The following HMGCLL1 variants were observed in gnomAD, a reference collection of about 807,000 sequenced individuals.
HMGCLL1 encodes the protein 3-hydroxymethyl-3-methylglutaryl-CoA lyase, cytoplasmic.
In HMGCLL1, 36 loss-of-function variants were observed where a neutral mutation model predicts 39.1. The observed-to-expected ratio is 0.92, with a 90% confidence interval of 0.71 to 1.22. The LOEUF (loss-of-function observed/expected upper bound fraction) is 1.22. HMGCLL1 is among the 50% of genes most tolerant of loss of function. HMGCLL1 has a pLI of 0.00. For missense variants in HMGCLL1, 451 were observed against 416.5 expected, an observed-to-expected ratio of 1.08 and a Z score of -0.72; for synonymous variants, 149 against 144.0, an observed-to-expected ratio of 1.03 and a Z score of -0.25.
chr6:55,635,246 A>T, the HMGCLL1 span, among the ~76,000 whole-genome samples: 2 of 152,150 alleles, frequency 1.3e-5, no homozygotes, highest in Non-Finnish European at 2.9e-5. Flanking sequence ...CTCTGTCCAT[A>T]TCTAATGGTA....
the HMGCLL1 span, among the ~76,000 whole-genome samples, chr6:55,667,515 A>C: frequency 6.6e-6 from 1 of 151,784 alleles, no homozygotes; most frequent in Non-Finnish European, 1.5e-5. Flanking sequence ...AGTGACAAGA[A>C]ACGGTACAAA....
the HMGCLL1 span, among the ~76,000 whole-genome samples, chr6:55,639,253 C>G: frequency 6.6e-6 from 1 of 151,810 alleles, no homozygotes; most frequent in Non-Finnish European, 1.5e-5. Context: ...ACTACCATTA[C>G]TGATAACATT....
At chr6:55,673,644 C>A in the HMGCLL1 span, among the ~76,000 whole-genome samples, 1 of 151,754 alleles carries the variant, frequency 6.6e-6, no homozygotes, top group South Asian at 2.1e-4. Flanking sequence ...TAATTTGCTG[C>A]AAATTAGATA....
intron 1 of HMGCLL1, among the ~76,000 whole-genome samples, chr6:55,562,362 T>C (rs1405669953): frequency 1.3e-5 from 2 of 152,148 alleles, no homozygotes; most frequent in Non-Finnish European, 2.9e-5. Flanking sequence ...AGTTGTATTT[T>C]AGAAGTACCA....
intron 7 of HMGCLL1, among the ~76,000 whole-genome samples, chr6:55,482,985 A>C (rs561822285): frequency 6.6e-6 from 1 of 152,298 alleles, no homozygotes; most frequent in Non-Finnish European, 1.5e-5. Flanking sequence ...CAAATCAGGA[A>C]GATAAACGAA....
At chr6:55,534,405 G>A (rs185951936) in intron 3 of HMGCLL1, among the ~76,000 whole-genome samples, 2 of 152,020 alleles carry the variant, frequency 1.3e-5, no homozygotes, top group African/African-American at 4.8e-5. Context: ...TCAACTAATA[G>A]CTTATGAAAA....
At position 55,465,803 on chromosome 6, in the gene HMGCLL1, T is replaced by C. The variant is rs138479662; in HGVS notation, c.796-26244A>G. ...TTCTGGTATAAACCTTACTTGGTAA[T>C]GTAATCATTCTTAAGAGATTCCATT... On this transcript the variant is annotated intron_variant, in intron 7 of 8. Transcript: ENST00000274901. 9.1e-3 allele frequency among the ~76,000 whole-genome samples: 1,392 copies of C among 152,264 alleles called. 24 individuals are homozygous for C. Among genetic ancestry groups the C allele is most frequent in the African/African-American group, 0.031 (1,300 of 41,556 alleles).
chr6:55,563,878 G>T, intron 1 of HMGCLL1: 8 of 1,288,120 alleles, frequency 6.2e-6, no homozygotes, highest in Non-Finnish European at 8.1e-6. Flanking sequence ...TTCCTGAGAG[G>T]TCCATGGTGC....
chr6:55,523,142 C>A (rs1581894829), intron 3 of HMGCLL1, among the ~76,000 whole-genome samples: 1 of 79,396 alleles, frequency 1.3e-5, no homozygotes, highest in East Asian at 2.9e-4. Context: ...AAGTGAGTCT[C>A]AGCCATTGTC....
the HMGCLL1 span, among the ~76,000 whole-genome samples, chr6:55,624,969 G>C: frequency 6.6e-6 from 1 of 152,124 alleles, no homozygotes; most frequent in Non-Finnish European, 1.5e-5. Context: ...ACAGGTCCAG[G>C]CTGTTGTGAA....
intron 7 of HMGCLL1, among the ~76,000 whole-genome samples, chr6:55,454,974 G>A (rs1764259930): frequency 6.7e-6 from 1 of 149,920 alleles, no homozygotes; most frequent in Non-Finnish European, 1.5e-5. Context: ...GCCAGGCACA[G>A]TGGCTCAGGT....
At chr6:55,524,812 A>C (rs1387758774) in intron 3 of HMGCLL1, among the ~76,000 whole-genome samples, 1 of 151,808 alleles carries the variant, frequency 6.6e-6, no homozygotes, top group Non-Finnish European at 1.5e-5. Context: ...GTTTGTGATG[A>C]GGGACCTTGA....
In HMGCLL1 at chr6:55,495,587, G is replaced by A; in HGVS notation, c.627C>T (p.Gly209=). ...CTAGAGAGATCTCATAACAACCCATGCCGTACAATCTCTTAGACACCTGTT... is the reference window on the plus strand; with the variant it reads ...CTAGAGAGATCTCATAACAACCCATACCGTACAATCTCTTAGACACCTGTT... ...KVTEVSKRLY[G]MGCYEISLGD... The change falls in exon 7 of 9, where the codon GGC becomes GGT. Residue 209 remains glycine, a synonymous_variant. Coordinates refer to ENST00000274901, the MANE Select transcript of HMGCLL1 (RefSeq NM_001042406.2). 1 of 1,610,192 alleles carries A rather than the reference G, an allele frequency of 6.2e-7. No individual in the cohort carries two copies. The highest frequency in any genetic ancestry group is 1.3e-5 in the African/African-American group (1 of 74,826).
At chr6:55,643,724 C>A in the HMGCLL1 span, among the ~76,000 whole-genome samples, 1 of 151,904 alleles carries the variant, frequency 6.6e-6, no homozygotes, top group South Asian at 2.1e-4. Context: ...TCTTTCTGTG[C>A]CTGGCTTATT....
intron 1 of HMGCLL1, among the ~76,000 whole-genome samples, chr6:55,556,769 A>T (rs1482357206): frequency 6.6e-6 from 1 of 152,134 alleles, no homozygotes; most frequent in Non-Finnish European, 1.5e-5. Flanking sequence ...TTAGATTAGG[A>T]TCTTTTGGGT....
At chr6:55,664,966 T>C in the HMGCLL1 span, among the ~76,000 whole-genome samples, 1 of 151,684 alleles carries the variant, frequency 6.6e-6, no homozygotes, top group Non-Finnish European at 1.5e-5. Context: ...CCAGGAAAAT[T>C]CATGGTCTCT....
chr6:55,662,059 G>A, the HMGCLL1 span, among the ~76,000 whole-genome samples: 1 of 151,874 alleles, frequency 6.6e-6, no homozygotes, highest in African/African-American at 2.4e-5. Context: ...CTTTGCTGAA[G>A]TTGTTTATCA....
chr6:55,661,270 T>G, the HMGCLL1 span, among the ~76,000 whole-genome samples: 3 of 152,028 alleles, frequency 2.0e-5, no homozygotes, highest in African/African-American at 7.2e-5. Flanking sequence ...TTTTGGCATC[T>G]TCATCATGAA....
At chr6:55,547,798 C>T (rs1398346579) in intron 1 of HMGCLL1, among the ~76,000 whole-genome samples, 2 of 152,032 alleles carry the variant, frequency 1.3e-5, no homozygotes, top group South Asian at 2.1e-4. Context: ...TAATGTTAAA[C>T]TCTCCACATT....
Sources: allele counts gnomAD v4.1 joint callset (sites outside exome capture counted in the v4.1 genomes callset), GRCh38; gene constraint gnomAD v4.1.1; transcripts MANE v1.5; gene names NCBI Gene and HGNC (gene_info 2026-07-23, HGNC 2026-07-21).